CYFIP2: variants seen among roughly 807,000 people sequenced by gnomAD.
CYFIP2 encodes cytoplasmic FMR1 interacting protein 2.
Under a neutral mutation model 158.7 loss-of-function variants are expected in CYFIP2, and 29 were observed. The ratio of observed to expected loss-of-function variants is 0.18; its 90% CI spans 0.14 to 0.25. CYFIP2 has a LOEUF of 0.25. Among genes scored for constraint, CYFIP2 ranks in the 10% least tolerant of loss-of-function variants. The pLI, the probability that CYFIP2 is intolerant of heterozygous loss-of-function variation, is 1.00. For synonymous variants in CYFIP2, 585 were observed against 617.6 expected (o/e 0.95, Z 0.78); for missense variants, 852 against 1,639.5 (o/e 0.52, Z 8.29).
At chr5:157,324,383 CT>C (rs1248285001) in intron 16 of CYFIP2, among the ~76,000 whole-genome samples, 3 of 152,206 alleles carry the variant, frequency 2.0e-5, no homozygotes, top group African/African-American at 4.8e-5. Flanking sequence ...GGATGCTAGA[CT>C]TTTGCTACTC....
intron 19 of CYFIP2, among the ~76,000 whole-genome samples, chr5:157,329,785 G>A (rs538769735): frequency 6.6e-6 from 1 of 152,272 alleles, no homozygotes; most frequent in Non-Finnish European, 1.5e-5. Context: ...GTGTTCAGTA[G>A]GCACATGTGG....
intron 23 of CYFIP2, among the ~76,000 whole-genome samples, chr5:157,348,212 T>C (rs906494121): frequency 3.3e-5 from 5 of 152,194 alleles, no homozygotes; most frequent in African/African-American, 1.2e-4. Flanking sequence ...AGGGATAATA[T>C]GGGGCAAGCC....
rs760079960 is a variant in CYFIP2 at position 157,382,622 on chromosome 5, C to T, written c.3072C>T (p.Ala1024=). Residue 1024 remains alanine, a synonymous_variant, in exon 27 of 31, where the codon GCC becomes GCT. Coordinates refer to ENST00000620254, the MANE Select transcript of CYFIP2 (RefSeq NM_001037333.3). ...AGGAGGTCTGCGATTTGCTCCATGC[C>T]GCACCCTTCCAAAACATCTTGCCTA... is the stretch of plus-strand genomic sequence containing the variant. ...SQEEVCDLLH[A]APFQNILPRV... The T allele has an allele frequency of 2.8e-5, 45 of 1,613,874 alleles. No individual in the cohort carries two copies. Among genetic ancestry groups the T allele is most frequent in the South Asian group, 1.1e-4 (10 of 91,082 alleles).
chr5:157,307,636 G>GGTGT (rs144622623), intron 8 of CYFIP2, 125 bp from the exon 9 acceptor site: 1,030 of 427,794 alleles, frequency 2.4e-3, no homozygotes, highest in Non-Finnish European at 2.6e-3. Flanking sequence ...GTCTCTACAG[G>GGTGT]GTGTGTGTGT....
At chr5:157,392,183 A>G (rs140297537) in intron 30 of CYFIP2, among the ~76,000 whole-genome samples, 10 of 152,062 alleles carry the variant, frequency 6.6e-5, no homozygotes, top group African/African-American at 2.4e-4. Context: ...ATTATTTTCT[A>G]TTTTTCGGTT....
chr5:157,277,806 G>A (rs1045684010), intron 1 of CYFIP2, among the ~76,000 whole-genome samples: 5 of 152,124 alleles, frequency 3.3e-5, no homozygotes, highest in Non-Finnish European at 5.9e-5. Flanking sequence ...AGCAGTATTT[G>A]GGTTTTATTC....
rs1767667917 is a variant in CYFIP2, at chr5:157,395,515, A to G, written c.*2515A>G. On this transcript the variant is annotated 3_prime_UTR_variant, in exon 31 of 31. Coordinates refer to ENST00000620254, the MANE Select transcript of CYFIP2 (RefSeq NM_001037333.3). Reference sequence around the variant, plus strand: ...CTATGCAGCTGAAGATGATATTTTGATTTGTATTTTGGGGGTACCTGTGTT... The same window carrying G: ...CTATGCAGCTGAAGATGATATTTTGGTTTGTATTTTGGGGGTACCTGTGTT... 5.7e-6 allele frequency: 4 copies of G among 707,264 alleles called. No individual in the cohort carries two copies. Among genetic ancestry groups the G allele is most frequent in the South Asian group, 4.5e-5 (3 of 67,162 alleles). 43.8% of individuals were successfully genotyped at this position (707,264 alleles called of 1,614,324 possible).
intron 3 of CYFIP2, among the ~76,000 whole-genome samples, chr5:157,293,944 G>A (rs1758041606): frequency 6.6e-6 from 1 of 152,162 alleles, no homozygotes. Context: ...GGCTGCATCT[G>A]GGTGGGGGCC....
Position 157,357,856 on chromosome 5 carries a change from G to A in CYFIP2, c.2674-1149G>A, listed in dbSNP as rs151335036. 8.5e-4 allele frequency among the ~76,000 whole-genome samples: 129 copies of A among 151,976 alleles called. 3 individuals carry two copies. In the East Asian group the frequency reaches 0.024, roughly 28 times the overall value. On this transcript the variant is annotated intron_variant, in intron 23 of 30. Coordinates refer to ENST00000620254, the MANE Select transcript of CYFIP2 (RefSeq NM_001037333.3). ...AAAAAAAACAAAGAAAAAAACCTAA[G>A]TTTTGAACTGAAACCTTATGTAAAA...
intron 8 of CYFIP2, among the ~76,000 whole-genome samples, chr5:157,305,192 G>T (rs764569172): frequency 6.6e-6 from 1 of 152,136 alleles, no homozygotes; most frequent in Non-Finnish European, 1.5e-5. Context: ...TTTTGCAATT[G>T]TGAATTGTGC....
In CYFIP2 at chr5:157,383,312, G is replaced by A; in HGVS notation, c.3160G>A (p.Ala1054Thr). 6.2e-7 allele frequency: 1 copy of A among 1,613,916 alleles called. No homozygotes were observed. The highest frequency in any genetic ancestry group is 1.1e-5 in the South Asian group (1 of 91,070). Reference sequence around the variant, plus strand: ...GATGAAACGTCTGGAAGCCAAGTATGCCCCGCTCCACCTGGTCCCTCTGAT... The same window carrying A: ...GATGAAACGTCTGGAAGCCAAGTATACCCCGCTCCACCTGGTCCCTCTGAT... ...VRMKRLEAKY[A>T]PLHLVPLIER... Residue 1054 changes from alanine (A) to threonine (T), a missense_variant, in exon 28 of 31, where the codon GCC becomes ACC. By Grantham distance (58) the Ala-to-Thr change is moderately conservative (BLOSUM62 0). Transcript: ENST00000620254.
intron 26 of CYFIP2, among the ~76,000 whole-genome samples, chr5:157,371,555 T>C (rs1347377381): frequency 6.6e-6 from 1 of 152,200 alleles, no homozygotes; most frequent in Non-Finnish European, 1.5e-5. Context: ...TTGAATCTTT[T>C]TAAAATATGT....
chr5:157,362,163 G>A (rs968210868), intron 26 of CYFIP2, among the ~76,000 whole-genome samples: 1 of 152,220 alleles, frequency 6.6e-6, no homozygotes, highest in African/African-American at 2.4e-5. Context: ...AGGAAGAGAA[G>A]CTTTGTTTTA....
chr5:157,279,800 G>A (rs144144673), intron 1 of CYFIP2, among the ~76,000 whole-genome samples: 11 of 152,230 alleles, frequency 7.2e-5, no homozygotes, highest in African/African-American at 9.6e-5. Flanking sequence ...TTCGTAGACC[G>A]AATATAAAGA....
chr5:157,391,295 T>TA (rs1281105969), intron 30 of CYFIP2, among the ~76,000 whole-genome samples: 1 of 152,014 alleles, frequency 6.6e-6, no homozygotes, highest in Non-Finnish European at 1.5e-5. Context: ...AGGGCTTTTT[T>TA]AAAAAATACA....
Position 157,283,807 on chromosome 5 carries a change from G to A in CYFIP2, c.-23-1532G>A, listed in dbSNP as rs1757169873. 3.9e-5 allele frequency among the ~76,000 whole-genome samples: 6 copies of A among 152,330 alleles called. No homozygotes were observed. The South Asian group carries it at 1.2e-3, about 32-fold the overall frequency. ...AGCAGGACCTTAGGTATATTCTGCA[G>A]TTGTTTTAGTCCTTGGCAGCCCGTG... On this transcript the variant is annotated intron_variant, in intron 1 of 30. Coordinates refer to ENST00000620254, the MANE Select transcript of CYFIP2 (RefSeq NM_001037333.3).
At chr5:157,390,738 A>T in intron 30 of CYFIP2, 70 bp downstream of exon 30, 1 of 1,547,444 alleles carries the variant, frequency 6.5e-7, no homozygotes, top group Non-Finnish European at 8.7e-7. Context: ...CCAGAAAAGC[A>T]AACAAGGAGG....
chr5:157,326,239 A>G lies in CYFIP2; in HGVS notation c.2051A>G (p.Gln684Arg). The change falls in exon 18 of 31, where the codon CAG (glutamine) becomes CGG (arginine). Residue 684 changes from glutamine to arginine, a missense_variant. Physicochemically the swap from Gln to Arg is conservative, Grantham distance 43. Transcript: ENST00000620254. ...TATGCTCTGACCAAGTTTAAAAAGCAGTTCCTGTACGATGAGATAGAAGCT... is the reference window on the plus strand; with the variant it reads ...TATGCTCTGACCAAGTTTAAAAAGCGGTTCCTGTACGATGAGATAGAAGCT... ...AYYALTKFKK[Q>R]FLYDEIEAEV... The G allele has an allele frequency of 6.2e-7, 1 of 1,613,882 alleles. No individual in the cohort carries two copies. Among genetic ancestry groups the G allele is most frequent in the Non-Finnish European group, 8.5e-7 (1 of 1,179,754 alleles).
In CYFIP2 at chr5:157,300,653, G is replaced by T; in HGVS notation, c.388-62G>T. On this transcript the variant is annotated intron_variant, in intron 5 of 30. Coordinates refer to ENST00000620254, the MANE Select transcript of CYFIP2 (RefSeq NM_001037333.3). ...TGGCTCTGAGGAGGGCCCTAGAGGA[G>T]CCTGGACCCTGCCCCCATAAGGGAG... 3.0e-6 allele frequency: 4 copies of T among 1,342,856 alleles called. No homozygotes were observed. In the African/African-American group the frequency reaches 4.4e-5, roughly 15 times the overall value. The allele number at this position is 1,342,856 out of a possible 1,614,324, so 83.2% of individuals were successfully genotyped here. A position where few individuals can be genotyped will look rare whatever the true frequency, so the allele number is the denominator to read the frequency against.
Sources: allele counts gnomAD v4.1 joint callset (sites outside exome capture counted in the v4.1 genomes callset), GRCh38; gene constraint gnomAD v4.1.1; transcripts MANE v1.5; gene names NCBI Gene and HGNC (gene_info 2026-07-23, HGNC 2026-07-21).